HMGB1: variants seen among roughly 807,000 people sequenced by gnomAD.
HMGB1 encodes the protein high mobility group box 1, also known as high mobility group protein B1.
For synonymous variants in HMGB1, 81 were observed against 84.0 expected (o/e 0.96, Z 0.19); for missense variants, 79 against 253.5 (o/e 0.31, Z 4.67).
intron 1 of HMGB1, among the ~76,000 whole-genome samples, chr13:30,526,371 A>G (rs374314378): frequency 1.2e-4 from 18 of 152,332 alleles, no homozygotes; most frequent in Middle Eastern, 6.8e-3. Context: ...CACATATTAT[A>G]TACCACAGAC....
intron 1 of HMGB1, among the ~76,000 whole-genome samples, chr13:30,581,498 T>C (rs567302218): frequency 1.1e-4 from 17 of 152,240 alleles, no homozygotes; most frequent in African/African-American, 4.1e-4. Context: ...CAGAGCTGGG[T>C]GGTTGGGGCA....
Position 30,456,761 on chromosome 13 carries a change from G to GGGGGGT in HMGB1, c.*4595_*4596insACCCCC, listed in dbSNP as rs1886000541. On this transcript the variant is annotated 3_prime_UTR_variant, in exon 5 of 5. Transcript: ENST00000341423. ...AGCATAAATAACAGCTTTTGTGGGC[G>GGGGGGT]GGGGGGGGGGGTGGTGGGGTGCAAT... The GGGGGGT allele has an allele frequency of 1.0e-4, 1 of 9,682 alleles. No homozygotes were observed. Among genetic ancestry groups the GGGGGGT allele is most frequent in the Non-Finnish European group, 3.0e-4 (1 of 3,286 alleles). The allele number at this position is 9,682 out of a possible 1,614,324, so 0.6% of individuals were successfully genotyped here.
chr13:30,598,173 T>C (rs1430182211), intron 1 of HMGB1, among the ~76,000 whole-genome samples: 1 of 152,226 alleles, frequency 6.6e-6, no homozygotes, highest in Non-Finnish European at 1.5e-5. Flanking sequence ...CCCATTCTAA[T>C]AGACACATAC....
intron 1 of HMGB1, among the ~76,000 whole-genome samples, chr13:30,484,870 A>G (rs1180860063): frequency 6.6e-6 from 1 of 152,094 alleles, no homozygotes; most frequent in Non-Finnish European, 1.5e-5. Context: ...ACACAGTGCA[A>G]TCTTTTATTC....
chr13:30,594,205 T>A (rs548851480), intron 1 of HMGB1, among the ~76,000 whole-genome samples: 1 of 152,248 alleles, frequency 6.6e-6, no homozygotes, highest in African/African-American at 2.4e-5. Flanking sequence ...ATTTTTAAAT[T>A]TAATTTTGTA....
intron 1 of HMGB1, among the ~76,000 whole-genome samples, chr13:30,525,855 G>GGC (rs1566015116): frequency 5.5e-4 from 11 of 20,174 alleles, no homozygotes; most frequent in Non-Finnish European, 1.7e-3. Context: ...AGATGAGATT[G>GGC]TGGGGGGACA....
chr13:30,529,695 G>A (rs762444663), intron 1 of HMGB1, among the ~76,000 whole-genome samples: 7 of 152,186 alleles, frequency 4.6e-5, no homozygotes, highest in Non-Finnish European at 7.3e-5. Context: ...GATTTCTATC[G>A]TTGTGAACAA....
intron 1 of HMGB1, among the ~76,000 whole-genome samples, chr13:30,516,172 C>A (rs1183619297): frequency 2.0e-5 from 3 of 152,134 alleles, no homozygotes; most frequent in Non-Finnish European, 4.4e-5. Context: ...AATTTTTGAC[C>A]TCTTGCAGAA....
chr13:30,554,360 GCTTGT>G (rs1195918083), intron 1 of HMGB1: 11 of 853,442 alleles, frequency 1.3e-5, no homozygotes, highest in Non-Finnish European at 2.3e-5. Flanking sequence ...TCTGGTAGAC[GCTTGT>G]CTTGTTTTGA....
At chr13:30,529,501 TTGTTTGAAAC>T (rs1888449097) in intron 1 of HMGB1, among the ~76,000 whole-genome samples, 1 of 152,216 alleles carries the variant, frequency 6.6e-6, no homozygotes, top group South Asian at 2.1e-4. Context: ...TTCTTTATAG[TTGTTTGAAAC>T]ATGACCATTT....
intron 1 of HMGB1, among the ~76,000 whole-genome samples, chr13:30,501,312 C>T (rs1887729935): frequency 6.6e-6 from 1 of 152,194 alleles, no homozygotes; most frequent in Admixed American, 6.5e-5. Context: ...GAGTTATTAA[C>T]CTTAGGTTTG....
At chr13:30,519,585 A>G (rs1888190226) in intron 1 of HMGB1, among the ~76,000 whole-genome samples, 1 of 151,182 alleles carries the variant, frequency 6.6e-6, no homozygotes, top group South Asian at 2.1e-4. Flanking sequence ...CTGTAGTCCC[A>G]GCTACTTGGG....
intron 1 of HMGB1, among the ~76,000 whole-genome samples, chr13:30,591,223 G>C (rs909617201): frequency 6.6e-6 from 1 of 151,568 alleles, no homozygotes; most frequent in Non-Finnish European, 1.5e-5. Context: ...GTAGAGACGG[G>C]GTTTCACTAT....
intron 1 of HMGB1, among the ~76,000 whole-genome samples, chr13:30,494,394 T>C (rs1480705830): frequency 6.6e-6 from 1 of 152,076 alleles, no homozygotes; most frequent in East Asian, 1.9e-4. Context: ...GGAGTTTCGC[T>C]CTTGTTGCCC....
chr13:30,595,232 AATT>A (rs1368947850), intron 1 of HMGB1, among the ~76,000 whole-genome samples: 2 of 152,186 alleles, frequency 1.3e-5, no homozygotes, highest in African/African-American at 4.8e-5. Flanking sequence ...AAACAATCTA[AATT>A]CTTTTTAAAT....
chr13:30,465,898 C>A lies in HMGB1; in HGVS notation c.-117G>T. 1.0e-6 allele frequency: 1 copy of A among 985,770 alleles called. No homozygotes were observed. Among genetic ancestry groups the A allele is most frequent in the Non-Finnish European group, 1.2e-6 (1 of 829,856 alleles). The allele number at this position is 985,770 out of a possible 1,614,324, so 61.1% of individuals were successfully genotyped here. ...ACTGCAATGGCTGTGAGAGCGGGAG[C>A]CAGACGCAGCCTCCTCACTCTCTCC... On this transcript the variant is annotated 5_prime_UTR_variant, in exon 1 of 5. Transcript: ENST00000341423.
intron 4 of HMGB1, 95 bp downstream of exon 4, chr13:30,462,443 C>T (rs1886411661): frequency 1.1e-6 from 1 of 930,052 alleles, no homozygotes; most frequent in East Asian, 2.4e-5. Flanking sequence ...CTTAATGTAG[C>T]TGTTACCCTA....
rs530189951 is a variant in HMGB1, at chr13:30,514,291, G to T, written c.-14-50597C>A. On this transcript the variant is annotated intron_variant, in intron 1 of 4. Coordinates refer to the HMGB1 transcript ENST00000405805. ...ACTGAGCTGTACTGAGCTGCAGTAG[G>T]GGTTTAGAGCTCAATCAATGCTAGC... Among the ~76,000 whole-genome samples the T allele has an allele frequency of 4.6e-5, 7 of 151,544 alleles. No individual in the cohort carries two copies. In the East Asian group the frequency reaches 1.4e-3, roughly 30 times the overall value.
chr13:30,558,540 C>T (rs1311151677), intron 1 of HMGB1, among the ~76,000 whole-genome samples: 1 of 151,930 alleles, frequency 6.6e-6, no homozygotes. Flanking sequence ...AATGTTCAAC[C>T]TTGCTGGCTT....
Sources: gnomAD v4.1 joint callset for allele counts (sites outside exome capture counted in the v4.1 genomes callset) on GRCh38, gnomAD v4.1.1 for gene constraint, MANE v1.5 for transcripts, NCBI Gene and HGNC (gene_info 2026-07-23, HGNC 2026-07-21) for gene names.